Variants in MCF2L2 observed in about 807,000 individuals in gnomAD.
The protein encoded by MCF2L2 is MCF.2 cell line derived transforming sequence-like 2.
Under a neutral mutation model 150.2 loss-of-function variants are expected in MCF2L2, and 102 were observed. The ratio of observed to expected loss-of-function variants is 0.68; its 90% confidence interval spans 0.58 to 0.80. The LOEUF (loss-of-function observed/expected upper bound fraction) is 0.80. MCF2L2 is among the 30% of genes least tolerant of loss of function. MCF2L2 has a pLI of 0.00. For synonymous variants in MCF2L2, 465 were observed against 491.3 expected, an observed-to-expected ratio of 0.95 and a Z score of 0.71; for missense variants, 1,256 against 1,372.8, an observed-to-expected ratio of 0.91 and a Z score of 1.34.
At chr3:183,384,480 C>T (rs1560050899) in intron 2 of MCF2L2, among the ~76,000 whole-genome samples, 2 of 152,182 alleles carry the variant, frequency 1.3e-5, no homozygotes, top group African/African-American at 2.4e-5. Flanking sequence ...AAACCCTGCA[C>T]TTGATGGATC....
At position 183,341,544 on chromosome 3, in the gene MCF2L2, A is replaced by G. The variant is rs1313578161; in HGVS notation, c.362T>C (p.Ile121Thr). The G allele has an allele frequency of 6.2e-7, 1 of 1,607,312 alleles. No individual in the cohort carries two copies. Among genetic ancestry groups the G allele is most frequent in the Non-Finnish European group, 8.5e-7 (1 of 1,173,692 alleles). ...WSSVKASLTRIAVAFPGNLQL... is the reference protein window; with the variant it reads ...WSSVKASLTRTAVAFPGNLQL... ...AGCACAAAAATAAATATTTACAGCT[A>G]TTCGTGTCAAGGATGCCTTTACGGA... Residue 121 changes from isoleucine to threonine, a missense_variant, in exon 4 of 30, where the codon ATA becomes ACA. Transcript: ENST00000328913.
Position 183,270,250 on chromosome 3 carries a change from A to G in MCF2L2, c.1862+6622T>C. The G allele has an allele frequency of 6.2e-7, 1 of 1,614,204 alleles. No homozygotes were observed. Among genetic ancestry groups the G allele is most frequent in the South Asian group, 1.1e-5 (1 of 91,084 alleles). ...CAAAGAAAACTGGCTTGGGAAGATC[A>G]AAGGTACAATGATATAATTCAGCAA... On this transcript the variant is annotated intron_variant, in intron 15 of 29. Coordinates refer to ENST00000328913, the MANE Select transcript of MCF2L2 (RefSeq NM_015078.4). This position sits in a 1 kb window ranked among gnomAD's most constrained non-coding sequence, Gnocchi z 4.5.
At chr3:183,407,466 A>C (rs1375734866) in intron 1 of MCF2L2, among the ~76,000 whole-genome samples, 8 of 152,240 alleles carry the variant, frequency 5.3e-5, no homozygotes, top group Non-Finnish European at 1.5e-5. Context: ...TGAGTCTTCC[A>C]AACCTTAAAT....
intron 27 of MCF2L2, among the ~76,000 whole-genome samples, chr3:183,185,219 A>G (rs538343129): frequency 1.2e-4 from 19 of 152,370 alleles, no homozygotes; most frequent in Admixed American, 9.1e-4. Flanking sequence ...CGCTTGGCCA[A>G]TTATGCACAA....
chr3:183,348,661 G>A (rs1362084691), intron 3 of MCF2L2, among the ~76,000 whole-genome samples: 1 of 152,102 alleles, frequency 6.6e-6, no homozygotes, highest in East Asian at 1.9e-4. Context: ...GAGTTAGATT[G>A]AAAGAAAAGG....
intron 2 of MCF2L2, among the ~76,000 whole-genome samples, chr3:183,380,504 C>T (rs961130126): frequency 2.0e-5 from 3 of 152,144 alleles, no homozygotes; most frequent in Admixed American, 6.5e-5. Context: ...CAGGTTCAAG[C>T]GATTCTCCTG....
At chr3:183,423,162 G>A (rs986000516) in intron 1 of MCF2L2, among the ~76,000 whole-genome samples, 2 of 152,166 alleles carry the variant, frequency 1.3e-5, no homozygotes, top group Non-Finnish European at 1.5e-5. Context: ...CATCCCCACT[G>A]GGCACATTCC....
intron 15 of MCF2L2, among the ~76,000 whole-genome samples, chr3:183,263,936 C>T (rs910712278): frequency 2.0e-5 from 3 of 152,142 alleles, no homozygotes; most frequent in Non-Finnish European, 4.4e-5. Context: ...ATTTCCACCA[C>T]CCTCGACTAG....
intron 16 of MCF2L2, among the ~76,000 whole-genome samples, chr3:183,230,404 G>A (rs142253070): frequency 6.6e-4 from 100 of 152,288 alleles, no homozygotes; most frequent in African/African-American, 2.3e-3. Flanking sequence ...GTGAGCCACT[G>A]CATCCGGCCC....
At chr3:183,382,649 T>C (rs1396408858) in intron 2 of MCF2L2, among the ~76,000 whole-genome samples, 4 of 152,206 alleles carry the variant, frequency 2.6e-5, no homozygotes, top group Admixed American at 2.6e-4. Context: ...GTCCAGTGCA[T>C]TCCTTGAATG....
chr3:183,337,020 A>T (rs1241964282), intron 5 of MCF2L2, among the ~76,000 whole-genome samples: 1 of 152,138 alleles, frequency 6.6e-6, no homozygotes, highest in African/African-American at 2.4e-5. Context: ...AAAAGGAATC[A>T]TAATCATACT....
rs1398348297 is a variant in MCF2L2, at chr3:183,191,992, C to G, written c.3016+1007G>C. Among the ~76,000 whole-genome samples, 3 of 151,162 alleles carry G rather than the reference C, an allele frequency of 2.0e-5. No homozygotes were observed. In the East Asian group the frequency reaches 5.8e-4, roughly 29 times the overall value. ...AGTAGCTGGGACTACAGGCGCCCAC[C>G]ACCAAGCGCAGCTAATTTTTTTTTT... On this transcript the variant is annotated intron_variant, in intron 27 of 29. Coordinates refer to ENST00000328913, the MANE Select transcript of MCF2L2 (RefSeq NM_015078.4).
chr3:183,392,822 C>T (rs1157157430), intron 1 of MCF2L2, among the ~76,000 whole-genome samples: 1 of 152,212 alleles, frequency 6.6e-6, no homozygotes, highest in African/African-American at 2.4e-5. Flanking sequence ...ACACAAAGAT[C>T]ACCCTGCGGC....
chr3:183,405,420 G>A (rs192868142), intron 1 of MCF2L2, among the ~76,000 whole-genome samples: 17 of 152,242 alleles, frequency 1.1e-4, no homozygotes, highest in African/African-American at 2.2e-4. Context: ...GCATGGAGTC[G>A]TTTAAGCATC....
In MCF2L2 at chr3:183,216,052, G is replaced by T; in HGVS notation, c.2413C>A (p.Leu805Ile). Residue 805 changes from leucine (L) to isoleucine (I), a missense_variant, in exon 22 of 30, where the codon CTA becomes ATA. By Grantham distance (5) the Leu-to-Ile change is conservative. Transcript: ENST00000328913. Reference sequence around the variant, plus strand: ...TCTATCACTGCCAAAGCTTGTTGTAGTTCAGTTGAGAATGCTGAATCTTTG... The same window carrying T: ...TCTATCACTGCCAAAGCTTGTTGTATTTCAGTTGAGAATGCTGAATCTTTG... ...RTKDSAFSTE[L>I]QQALAVIEDL... 6.2e-7 allele frequency: 1 copy of T among 1,614,000 alleles called. No individual in the cohort carries two copies. The highest frequency in any genetic ancestry group is 2.2e-5 in the East Asian group (1 of 44,852).
At chr3:183,369,409 A>G (rs999482809) in intron 3 of MCF2L2, among the ~76,000 whole-genome samples, 3 of 152,140 alleles carry the variant, frequency 2.0e-5, no homozygotes, top group African/African-American at 7.2e-5. Context: ...AAGGGTTTTC[A>G]TGTCTTCTGC....
Position 183,370,547 on chromosome 3 carries a change from G to T in MCF2L2, c.275+8750C>A, listed in dbSNP as rs565652089. Among the ~76,000 whole-genome samples the T allele has an allele frequency of 2.6e-5, 4 of 152,360 alleles. No individual in the cohort carries two copies. The South Asian group carries it at 6.2e-4, about 24-fold the overall frequency. On this transcript the variant is annotated intron_variant, in intron 3 of 29. Coordinates refer to ENST00000328913, the MANE Select transcript of MCF2L2 (RefSeq NM_015078.4). ...AAATTGAAATGTCGAAAGATGGAAC[G>T]TGGGTTTCTATCTGAACAAAACAGA...
chr3:183,228,770 G>A (rs1723443340), intron 17 of MCF2L2, among the ~76,000 whole-genome samples: 1 of 152,132 alleles, frequency 6.6e-6, no homozygotes, highest in African/African-American at 2.4e-5. Flanking sequence ...ATTCACTGAT[G>A]CTCTCTCTTA....
intron 3 of MCF2L2, among the ~76,000 whole-genome samples, chr3:183,354,469 C>A (rs929357501): frequency 6.6e-6 from 1 of 152,122 alleles, no homozygotes; most frequent in Non-Finnish European, 1.5e-5. Flanking sequence ...TTGGCTTCCA[C>A]AACCTGCACC....
Sources: allele counts gnomAD v4.1 joint callset (sites outside exome capture counted in the v4.1 genomes callset), GRCh38; gene constraint gnomAD v4.1.1; non-coding constraint Gnocchi (gnomAD v3.1); transcripts MANE v1.5; gene names NCBI Gene and HGNC (gene_info 2026-07-23, HGNC 2026-07-21).